Variants in SBNO2 observed in about 807,000 individuals in gnomAD.
SBNO2 encodes the protein strawberry notch homolog 2, also known as protein strawberry notch homolog 2.
In SBNO2, 89 loss-of-function variants were observed where a neutral mutation model predicts 146.3. The ratio of observed to expected loss-of-function variants is 0.61; its 90% CI spans 0.51 to 0.73. The LOEUF (loss-of-function observed/expected upper bound fraction) is 0.73, where lower values mean the gene tolerates loss of function less well. Among genes scored for constraint, SBNO2 ranks in the 30% least tolerant of loss-of-function variants. The probability of loss-of-function intolerance (pLI) is 0.00; values close to 1 mark genes in which losing one functional copy is unlikely to be tolerated. For missense variants in SBNO2, 2,092 were observed against 2,003.7 expected, an observed-to-expected ratio of 1.04 and a Z score of -0.84; for synonymous variants, 1,147 against 892.6, an observed-to-expected ratio of 1.29 and a Z score of -5.08.
At chr19:1,135,001 G>A (rs1006895892) in intron 4 of SBNO2, among the ~76,000 whole-genome samples, 2 of 145,424 alleles carry the variant, frequency 1.4e-5, no homozygotes, top group Middle Eastern at 7.3e-3. Context: ...AGCTGAAATC[G>A]TGCCACTGCA....
rs1299104501 is a variant in SBNO2 at position 1,147,300 on chromosome 19, G to A, written c.279+9C>T. On this transcript the variant is annotated intron_variant, in intron 4 of 31. Transcript: ENST00000361757. ...CCCCCACGGCGCGGTGAGCTCCTGG[G>A]GCTCCTACCTGAGCAAAGTCGCAGG... is the stretch of plus-strand genomic sequence containing the variant. 4 of 1,568,598 alleles carry A rather than the reference G, an allele frequency of 2.6e-6. No homozygotes were observed. Among genetic ancestry groups the A allele is most frequent in the Non-Finnish European group, 3.5e-6 (4 of 1,154,132 alleles).
intron 6 of SBNO2, 70 bp from the exon 7 acceptor site, chr19:1,123,709 G>T (rs1046514027): frequency 2.1e-6 from 3 of 1,452,522 alleles, no homozygotes; most frequent in Non-Finnish European, 2.8e-6. Context: ...CTCCCCCAGG[G>T]GCAGGGGCCA....
At position 1,122,131 on chromosome 19, in the gene SBNO2, C is replaced by G; in HGVS notation, c.1149+8G>C. On this transcript the variant is annotated splice_region_variant and intron_variant, in intron 11 of 31. Coordinates refer to ENST00000361757, the MANE Select transcript of SBNO2 (RefSeq NM_014963.3). ...GCCCTCCCCTCCCGATTGCCCCCAGCAGGATACGACGCCCTCGAAGGCCTC... is the reference window on the plus strand; with the variant it reads ...GCCCTCCCCTCCCGATTGCCCCCAGGAGGATACGACGCCCTCGAAGGCCTC... 7.1e-7 allele frequency: 1 copy of G among 1,412,000 alleles called. No individual in the cohort carries two copies. The highest frequency in any genetic ancestry group is 9.3e-7 in the Non-Finnish European group (1 of 1,075,886). The allele number at this position is 1,412,000 out of a possible 1,614,324, so 87.5% of individuals were successfully genotyped here. A position where few individuals can be genotyped will look rare whatever the true frequency, so the allele number is the denominator to read the frequency against.
Position 1,117,346 on chromosome 19 carries a change from G to A in SBNO2, c.1681C>T (p.Arg561Ter). ...ACCTTGTCTCGCGCCAGCTCCTCTC[G>A]GGCCAGCTCCACCAGCCGGCGCACC... Reference protein sequence around the residue: ...AKVRRLVELAREELARDKCVV... With the variant: ...AKVRRLVELA Residue 561 changes from arginine to a stop codon, truncating the protein, a stop_gained, in exon 15 of 32, where the codon CGA becomes TGA. Coordinates refer to ENST00000361757, the MANE Select transcript of SBNO2 (RefSeq NM_014963.3). LOFTEE classifies it high-confidence loss of function. 2.5e-6 allele frequency: 4 copies of A among 1,576,008 alleles called. No homozygotes were observed. Among genetic ancestry groups the A allele is most frequent in the Non-Finnish European group, 2.6e-6 (3 of 1,162,206 alleles).
At chr19:1,161,677 C>T (rs1343784005) in intron 1 of SBNO2, among the ~76,000 whole-genome samples, 2 of 151,866 alleles carry the variant, frequency 1.3e-5, no homozygotes, top group Non-Finnish European at 2.9e-5. Flanking sequence ...GGAACGGCCA[C>T]GTCATACTAC....
chr19:1,119,341 G>A (rs1264575176), intron 13 of SBNO2, among the ~76,000 whole-genome samples, 175 bp downstream of exon 13: 7 of 152,218 alleles, frequency 4.6e-5, no homozygotes, highest in Non-Finnish European at 1.0e-4. Context: ...GGCTGCGGAG[G>A]GGCTGGCTTC....
chr19:1,124,066 T>A (rs763911623), intron 5 of SBNO2, 44 bp from the exon 6 acceptor site: 15 of 1,578,060 alleles, frequency 9.5e-6, no homozygotes, highest in African/African-American at 2.7e-5. Context: ...ACGGGACAGG[T>A]CACAGCTGGT....
chr19:1,152,113 G>A lies in SBNO2; in HGVS notation c.93+2071C>T, dbSNP rs374596339. On this transcript the variant is annotated intron_variant, in intron 2 of 31. Transcript: ENST00000361757. ...GGAGGGTGGGATGAGCCTCACACAC[G>A]GGATGGGGAGCAAAGCCGGTTACGC... 3.4e-3 allele frequency among the ~76,000 whole-genome samples: 517 copies of A among 152,324 alleles called. 4 individuals are homozygous for A. The highest frequency in any genetic ancestry group is 0.031 in the Middle Eastern group (9 of 294).
chr19:1,141,110 C>G (rs1050655201), intron 4 of SBNO2, among the ~76,000 whole-genome samples: 9 of 150,412 alleles, frequency 6.0e-5, no homozygotes, highest in East Asian at 2.0e-4. Context: ...CCCCGGAGAA[C>G]ACGCGCCCCG....
At chr19:1,159,040 CAGCCA>C (rs2080318921) in intron 1 of SBNO2, among the ~76,000 whole-genome samples, 2 of 151,236 alleles carry the variant, frequency 1.3e-5, no homozygotes, top group African/African-American at 4.9e-5. Context: ...ACCCCACCTG[CAGCCA>C]TGACCCCACC....
chr19:1,128,550 G>A (rs190299377), intron 4 of SBNO2, among the ~76,000 whole-genome samples: 1,977 of 151,980 alleles, frequency 0.013, 28 homozygotes, highest in Non-Finnish European at 0.021. Flanking sequence ...GTGCCACCAC[G>A]CCCAGCTAAT....
At position 1,154,323 on chromosome 19, in the gene SBNO2, G is replaced by T; in HGVS notation, c.-47C>A. ...TCCTCGGCCGGGCAGCAGGCGGCGG[G>T]ACTCCAGGACCCGGGGCCGCCGGGG... On this transcript the variant is annotated 5_prime_UTR_variant, in exon 2 of 32. Transcript: ENST00000361757. 3.6e-6 allele frequency: 4 copies of T among 1,116,280 alleles called. No individual in the cohort carries two copies. The highest frequency in any genetic ancestry group is 4.6e-6 in the Non-Finnish European group (4 of 879,054). The allele number at this position is 1,116,280 out of a possible 1,614,324, so 69.1% of individuals were successfully genotyped here.
intron 11 of SBNO2, among the ~76,000 whole-genome samples, chr19:1,120,760 C>G (rs1000375873): frequency 2.0e-5 from 3 of 152,176 alleles, no homozygotes; most frequent in African/African-American, 7.2e-5. Context: ...CCTCCGACTC[C>G]CTGGTTCAAG....
In SBNO2 at chr19:1,116,855, G is replaced by T. The variant is rs112316830; in HGVS notation, c.1776C>A (p.His592Gln). ...TREVLGENDG[H>Q]LNCFVSAAEG... ...CAGCGGCCGAGACGAAGCAGTTGAGGTGCCCATCGTTCTCCCCCAGCACCT... is the reference window on the plus strand; with the variant it reads ...CAGCGGCCGAGACGAAGCAGTTGAGTTGCCCATCGTTCTCCCCCAGCACCT... The change falls in exon 16 of 32, where the codon CAC becomes CAA. Residue 592 changes from histidine (H) to glutamine (Q), a missense_variant. Physicochemically the swap from His to Gln is conservative, Grantham distance 24 (BLOSUM62 0). Coordinates refer to ENST00000361757, the MANE Select transcript of SBNO2 (RefSeq NM_014963.3). The T allele has an allele frequency of 5.7e-5, 90 of 1,591,268 alleles. No homozygotes were observed. The African/African-American group carries it at 8.4e-4, about 15-fold the overall frequency.
intron 4 of SBNO2, among the ~76,000 whole-genome samples, chr19:1,129,160 G>A (rs1020696549): frequency 3.3e-5 from 5 of 152,116 alleles, no homozygotes; most frequent in Admixed American, 6.5e-5. Flanking sequence ...CTAGCTACTC[G>A]AGAGGCTGGG....
At chr19:1,161,906 CGGGGGGG>C (rs916715232) in intron 1 of SBNO2, among the ~76,000 whole-genome samples, 1 of 1,344 alleles carries the variant, frequency 7.4e-4, no homozygotes, top group East Asian at 8.5e-3. Context: ...TGGGGAGCCG[CGGGGGGG>C]GGGGGGGGGG....
chr19:1,122,204 C>G lies in SBNO2; in HGVS notation c.1084G>C (p.Gly362Arg). 1.3e-6 allele frequency: 2 copies of G among 1,559,428 alleles called. No homozygotes were observed. The highest frequency in any genetic ancestry group is 2.4e-5 in the South Asian group (2 of 83,824). ...CGGAGGCGAGTGCGGTGCTGGCCGC[C>G]GGCCTGGCTCTCCCCAATCAGGGCG... ...YSALIGESQA[G>R]GQHRTRLRQI... The change falls in exon 11 of 32, where the codon GGC becomes CGC. Residue 362 changes from glycine (G) to arginine (R), a missense_variant. Coordinates refer to ENST00000361757, the MANE Select transcript of SBNO2 (RefSeq NM_014963.3).
intron 3 of SBNO2, among the ~76,000 whole-genome samples, chr19:1,148,239 G>A (rs2145300952): frequency 6.6e-6 from 1 of 152,164 alleles, no homozygotes; most frequent in South Asian, 2.1e-4. Context: ...GACCGCCTGG[G>A]GGCCACTCTC....
intron 1 of SBNO2, among the ~76,000 whole-genome samples, chr19:1,156,691 T>C (rs951142556): frequency 6.6e-6 from 1 of 152,106 alleles, no homozygotes; most frequent in African/African-American, 2.4e-5. Context: ...GAGGCCGACC[T>C]AGGCCACAGC....
Sources: allele counts gnomAD v4.1 joint callset (sites outside exome capture counted in the v4.1 genomes callset), GRCh38; gene constraint gnomAD v4.1.1; transcripts MANE v1.5; gene names NCBI Gene and HGNC (gene_info 2026-07-23, HGNC 2026-07-21).